The following CPNE4 variants were observed in gnomAD, a reference collection of about 807,000 sequenced individuals.
CPNE4 encodes copine 4, also known as copine-4.
A neutral mutation model predicts 67.9 loss-of-function variants in CPNE4; 25 were observed. The ratio of observed to expected loss-of-function variants is 0.37; its 90% CI spans 0.27 to 0.51. The LOEUF (loss-of-function observed/expected upper bound fraction) is 0.51. Ranked by LOEUF, CPNE4 falls within the 20% of genes least tolerant of loss-of-function variation. The probability of loss-of-function intolerance (pLI) is 0.93; values close to 1 mark genes in which losing one functional copy is unlikely to be tolerated. For missense variants in CPNE4, 464 were observed against 690.8 expected, an observed-to-expected ratio of 0.67 and a Z score of 3.68; for synonymous variants, 242 against 244.9, an observed-to-expected ratio of 0.99 and a Z score of 0.11.
At chr3:131,711,558 T>C (rs1408987739) in intron 3 of CPNE4, among the ~76,000 whole-genome samples, 1 of 152,116 alleles carries the variant, frequency 6.6e-6, no homozygotes, top group Admixed American at 6.5e-5. Context: ...TGGATGGAGA[T>C]TAGGCCCAAG....
At chr3:131,705,885 G>A (rs2081403821) in intron 3 of CPNE4, among the ~76,000 whole-genome samples, 1 of 152,012 alleles carries the variant, frequency 6.6e-6, no homozygotes, top group Admixed American at 6.6e-5. Flanking sequence ...TCATCTCTTG[G>A]GTAATGCCTT....
intron 1 of CPNE4, among the ~76,000 whole-genome samples, chr3:131,994,724 C>G (rs770496664): frequency 3.3e-5 from 5 of 152,098 alleles, no homozygotes; most frequent in Non-Finnish European, 7.4e-5. Context: ...TCCCAAAGGA[C>G]GTAAACTTTT....
chr3:131,827,807 A>G (rs1277732684), intron 2 of CPNE4, among the ~76,000 whole-genome samples: 2 of 152,044 alleles, frequency 1.3e-5, no homozygotes, highest in East Asian at 3.8e-4. Flanking sequence ...GCAGATCCAG[A>G]TGGGGCAAGA....
At chr3:131,722,173 T>C (rs1043469386) in intron 3 of CPNE4, among the ~76,000 whole-genome samples, 1 of 152,188 alleles carries the variant, frequency 6.6e-6, no homozygotes, top group Non-Finnish European at 1.5e-5. Flanking sequence ...AGCAAATATA[T>C]ATGCTTGCCA....
chr3:131,919,786 C>A (rs1225056), intron 1 of CPNE4, among the ~76,000 whole-genome samples: 29,672 of 152,076 alleles, frequency 0.2, 3,493 homozygotes, highest in Non-Finnish European at 0.25. Context: ...AGGACCAACA[C>A]CCTTTTAGAT....
intron 7 of CPNE4, among the ~76,000 whole-genome samples, chr3:131,648,349 G>A (rs2079718742): frequency 6.6e-6 from 1 of 152,114 alleles, no homozygotes; most frequent in Non-Finnish European, 1.5e-5. Flanking sequence ...CTTCAGCCTG[G>A]GCAACAGAGC....
At chr3:131,878,619 A>T (rs1393054655) in intron 2 of CPNE4, among the ~76,000 whole-genome samples, 1 of 152,228 alleles carries the variant, frequency 6.6e-6, no homozygotes, top group Admixed American at 6.5e-5. Context: ...AAAATAATTA[A>T]TCTGAAAAAT....
intron 7 of CPNE4, among the ~76,000 whole-genome samples, chr3:131,656,885 G>C (rs1276205175): frequency 6.6e-6 from 1 of 152,160 alleles, no homozygotes; most frequent in Non-Finnish European, 1.5e-5. Context: ...TTCAGAGATG[G>C]GGAGGCAATG....
At chr3:131,922,288 T>C (rs1158249440) in intron 1 of CPNE4, among the ~76,000 whole-genome samples, 1 of 152,198 alleles carries the variant, frequency 6.6e-6, no homozygotes, top group African/African-American at 2.4e-5. Flanking sequence ...TTCCATGGTG[T>C]ATATGTACCA....
intron 1 of CPNE4, among the ~76,000 whole-genome samples, chr3:131,946,318 T>C (rs951075519): frequency 6.6e-6 from 1 of 152,228 alleles, no homozygotes; most frequent in Admixed American, 6.5e-5. Flanking sequence ...CATAATACTT[T>C]AAAGGTTCAT....
At chr3:131,888,711 A>C (rs2087995473) in intron 2 of CPNE4, among the ~76,000 whole-genome samples, 1 of 152,188 alleles carries the variant, frequency 6.6e-6, no homozygotes, top group South Asian at 2.1e-4. Context: ...TAGAGAACAC[A>C]GACAAGTGGA....
chr3:131,961,213 C>G (rs1369039781), intron 1 of CPNE4, among the ~76,000 whole-genome samples: 1 of 151,926 alleles, frequency 6.6e-6, no homozygotes, highest in Non-Finnish European at 1.5e-5. Context: ...GTAACTCCCT[C>G]ATAGAATGAG....
chr3:131,718,955 C>G (rs1271752819), intron 3 of CPNE4, among the ~76,000 whole-genome samples: 1 of 152,210 alleles, frequency 6.6e-6, no homozygotes, highest in Non-Finnish European at 1.5e-5. Flanking sequence ...GAGCCAATCA[C>G]TGTGGCCACA....
intron 1 of CPNE4, among the ~76,000 whole-genome samples, chr3:132,006,966 A>G (rs1016080645): frequency 7.9e-5 from 12 of 152,168 alleles, no homozygotes; most frequent in African/African-American, 2.2e-4. Flanking sequence ...CCTGCTGAGA[A>G]GCTGAGCCTC....
chr3:131,917,335 T>C (rs1188162516), intron 1 of CPNE4, among the ~76,000 whole-genome samples: 2 of 152,162 alleles, frequency 1.3e-5, no homozygotes, highest in African/African-American at 4.8e-5. Context: ...TTTAGGAAGA[T>C]GTAGCATGTG....
intron 1 of CPNE4, among the ~76,000 whole-genome samples, chr3:131,944,945 T>C (rs1184462774): frequency 1.3e-5 from 2 of 152,176 alleles, no homozygotes; most frequent in South Asian, 4.1e-4. Context: ...AACAGCTTTA[T>C]AGAATATAGA....
Position 131,549,948 on chromosome 3 carries a change from G to T in CPNE4, c.1301C>A (p.Ser434Ter). 6.2e-7 allele frequency: 1 copy of T among 1,612,862 alleles called. No individual in the cohort carries two copies. The highest frequency in any genetic ancestry group is 8.5e-7 in the Non-Finnish European group (1 of 1,179,230). ...ASEETNTKEA[S>*]QYFILLILTD... ...GGAGGCAAATAGCCCCCTCCTTACCGATGCCTCCTTGGTGTTAGTTTCCTC... is the reference window on the plus strand; with the variant it reads ...GGAGGCAAATAGCCCCCTCCTTACCTATGCCTCCTTGGTGTTAGTTTCCTC... Residue 434 changes from serine (S) to a stop codon, truncating the protein, a stop_gained and splice_region_variant, in exon 14 of 16, where the codon TCG becomes TAG. Transcript: ENST00000429747. LOFTEE classifies it high-confidence loss of function.
At chr3:131,919,497 A>G (rs2070682035) in intron 1 of CPNE4, among the ~76,000 whole-genome samples, 1 of 152,212 alleles carries the variant, frequency 6.6e-6, no homozygotes, top group African/African-American at 2.4e-5. Flanking sequence ...GTTGAAAACC[A>G]GGCCAAATGA....
intron 10 of CPNE4, among the ~76,000 whole-genome samples, chr3:131,571,855 G>T (rs1309207888): frequency 6.6e-6 from 1 of 151,930 alleles, no homozygotes; most frequent in Non-Finnish European, 1.5e-5. Flanking sequence ...ACCCCAAACT[G>T]CTTCCCCAAT....
Sources: allele counts gnomAD v4.1 joint callset (sites outside exome capture counted in the v4.1 genomes callset), GRCh38; gene constraint gnomAD v4.1.1; transcripts MANE v1.5; gene names NCBI Gene and HGNC (gene_info 2026-07-23, HGNC 2026-07-21).